The following TP53I13 variants were observed in gnomAD, a reference collection of about 807,000 sequenced individuals.
TP53I13 encodes tumor protein p53 inducible protein 13.
TP53I13 carries 27 observed loss-of-function variants against 39.1 expected under a neutral mutation model. That is an observed-to-expected ratio of 0.69 (90% CI 0.51 to 0.95). The LOEUF is 0.95. TP53I13 is among the 40% of genes least tolerant of loss of function. The pLI is 0.00. For missense variants in TP53I13, 544 were observed against 520.4 expected (o/e 1.05, Z -0.44); for synonymous variants, 230 against 224.6 (o/e 1.02, Z -0.22).
At position 29,569,104 on chromosome 17, in the gene TP53I13, C is replaced by T. The variant is rs1371406820; in HGVS notation, c.141+18C>T. Reference sequence around the variant, plus strand: ...CTCCGCAGGTAGGAGCCCTGGAGGGCCCAGGGAGAGAGGGATGTGAAAGGC... The same window carrying T: ...CTCCGCAGGTAGGAGCCCTGGAGGGTCCAGGGAGAGAGGGATGTGAAAGGC... On this transcript the variant is annotated intron_variant, in intron 2 of 6. Transcript: ENST00000301057. 1 of 1,578,554 alleles carries T rather than the reference C, an allele frequency of 6.3e-7. No individual in the cohort carries two copies. Among genetic ancestry groups the T allele is most frequent in the Non-Finnish European group, 8.6e-7 (1 of 1,161,678 alleles).
At chr17:29,579,371 T>G in the TP53I13 span, 1 of 284,774 alleles carries the variant, frequency 3.5e-6, no homozygotes. Context: ...ATTTTTTGGA[T>G]ACACCTGGCT....
chr17:29,580,247 G>C, the TP53I13 span, among the ~76,000 whole-genome samples: 1 of 152,230 alleles, frequency 6.6e-6, no homozygotes, highest in South Asian at 2.1e-4. Context: ...GTTGAATGGA[G>C]CCCATATTTG....
chr17:29,577,013 G>A (rs1386076540), downstream of TP53I13: 1 of 1,604,242 alleles, frequency 6.2e-7, no homozygotes, highest in Non-Finnish European at 8.5e-7. Context: ...ACACAGGAGT[G>A]TCACTCAGGC....
chr17:29,577,637 C>T (rs1333595060), downstream of TP53I13: 2 of 1,575,722 alleles, frequency 1.3e-6, no homozygotes, highest in East Asian at 2.2e-5. Context: ...CCAATCCAGC[C>T]CCCTCACCTG....
upstream of TP53I13, chr17:29,567,019 C>T (rs554168687): frequency 4.4e-4 from 543 of 1,244,468 alleles, no homozygotes; most frequent in Non-Finnish European, 5.2e-4. The surrounding 1 kb of genome is among the most constrained non-coding windows in gnomAD (Gnocchi z 6.6). Flanking sequence ...GTCTACTCGG[C>T]GAGCTCCGCG....
At chr17:29,566,744 T>G (rs372209110), upstream of TP53I13, 125 of 1,555,258 alleles carry the variant, frequency 8.0e-5, 2 homozygotes, top group East Asian at 5.9e-4. Context: ...GCCGACGGCT[T>G]GCAAACAAGG....
the TP53I13 span, chr17:29,579,307 C>T: frequency 2.3e-4 from 98 of 428,008 alleles, 1 homozygote; most frequent in African/African-American, 1.8e-3. Flanking sequence ...GTTTCTTAAT[C>T]TCCCTCCTTC....
Position 29,568,948 on chromosome 17 carries a change from TG to T in TP53I13, c.73-67del, listed in dbSNP as rs1047113506. On this transcript the variant is annotated intron_variant, in intron 1 of 6. Transcript: ENST00000301057. The surrounding 1 kb of genome is among the most constrained non-coding windows in gnomAD (Gnocchi z 4.5). ...ACGCGGAGTTCTTCCGCTGGCGGGC[TG>T]GGCCTGGGGAGAGAGAGGGCAGGGC... The T allele has an allele frequency of 5.6e-6, 9 of 1,593,580 alleles. No homozygotes were observed. Among genetic ancestry groups the T allele is most frequent in the Non-Finnish European group, 7.7e-6 (9 of 1,171,870 alleles).
downstream of TP53I13, chr17:29,574,506 G>T (rs745922170): frequency 4.7e-6 from 3 of 639,686 alleles, no homozygotes; most frequent in Non-Finnish European, 8.4e-6. Context: ...GGGGACAGAA[G>T]CTCCTGCCCC....
At chr17:29,568,678 C>CGGGGGCGG, upstream of TP53I13, 2 of 945,736 alleles carry the variant, frequency 2.1e-6, no homozygotes, top group Non-Finnish European at 2.5e-6. This position sits in a 1 kb window ranked among gnomAD's most constrained non-coding sequence, Gnocchi z 4.5. Flanking sequence ...CGCGGGGGCG[C>CGGGGGCGG]TGGGGCTGGA....
At chr17:29,569,444 A>G (rs2032843249) in intron 3 of TP53I13, 85 bp downstream of exon 3, 2 of 1,361,016 alleles carry the variant, frequency 1.5e-6, no homozygotes, top group Admixed American at 3.9e-5. Flanking sequence ...TGTTCTGCTG[A>G]TCGGCCCCAT....
At chr17:29,576,201 A>C, downstream of TP53I13, 1 of 1,606,336 alleles carries the variant, frequency 6.2e-7, no homozygotes. Context: ...CCACACCTTG[A>C]GACCCATAGG....
the TP53I13 span, chr17:29,581,224 TGGGGG>T: frequency 1.3e-6 from 1 of 784,314 alleles, no homozygotes; most frequent in Non-Finnish European, 2.3e-6. The surrounding 1 kb of genome is among the most constrained non-coding windows in gnomAD (Gnocchi z 4.8). Flanking sequence ...CTCTAGTCTC[TGGGGG>T]GAGGGAGCAG....
chr17:29,572,848 G>C lies in TP53I13; in HGVS notation c.1106G>C (p.Arg369Pro). ...CGGAGGCTGCTGCAGCCCTCGCGCCGGGTCAAGCGCTCGCGCCGGAGACCC... is the reference window on the plus strand; with the variant it reads ...CGGAGGCTGCTGCAGCCCTCGCGCCCGGTCAAGCGCTCGCGCCGGAGACCC... ...LKRRLLQPSRRVKRSRRRPLL... is the reference protein window; with the variant it reads ...LKRRLLQPSRPVKRSRRRPLL... The change falls in exon 7 of 7, where the codon CGG becomes CCG. Residue 369 changes from arginine (R) to proline (P), a missense_variant. Physicochemically the swap from Arg to Pro is moderately radical, Grantham distance 103 (BLOSUM62 -2). Transcript: ENST00000301057. 2 of 1,512,472 alleles carry C rather than the reference G, an allele frequency of 1.3e-6. No homozygotes were observed. Among genetic ancestry groups the C allele is most frequent in the East Asian group, 5.2e-5 (2 of 38,396 alleles). 93.7% of individuals were successfully genotyped at this position (1,512,472 alleles called of 1,614,324 possible). A position where few individuals can be genotyped will look rare whatever the true frequency, so the allele number is the denominator to read the frequency against.
intron 6 of TP53I13, 32 bp from the exon 7 acceptor site, chr17:29,572,780 C>T (rs1249475670): frequency 1.3e-6 from 2 of 1,526,964 alleles, no homozygotes; most frequent in Admixed American, 4.0e-5. Flanking sequence ...CCCTGCCCTC[C>T]CGCCCTTGAC....
At chr17:29,573,801 C>G (rs2033075507), downstream of TP53I13, 1 of 152,674 alleles carries the variant, frequency 6.5e-6, no homozygotes, top group Non-Finnish European at 1.5e-5. Context: ...TCCACCCTAG[C>G]CAGCACACAT....
chr17:29,568,837 T>G lies in TP53I13; in HGVS notation c.72+7T>G, dbSNP rs201964099. On this transcript the variant is annotated splice_region_variant and intron_variant, in intron 1 of 6. Coordinates refer to ENST00000301057, the MANE Select transcript of TP53I13 (RefSeq NM_138349.4). This position sits in a 1 kb window ranked among gnomAD's most constrained non-coding sequence, Gnocchi z 4.5. ...GCTCCTGGGTCCCAGCGAGGTAAGGTGACCCGCTCCTGGGAAGGCCTCGGC... is the reference window on the plus strand; with the variant it reads ...GCTCCTGGGTCCCAGCGAGGTAAGGGGACCCGCTCCTGGGAAGGCCTCGGC... 139 of 1,599,730 alleles carry G rather than the reference T, an allele frequency of 8.7e-5. No individual in the cohort carries two copies. The highest frequency in any genetic ancestry group is 1.1e-4 in the Non-Finnish European group (132 of 1,179,484).
At chr17:29,567,071 C>CCCT, upstream of TP53I13, 1 of 1,017,910 alleles carries the variant, frequency 9.8e-7, no homozygotes, top group Non-Finnish European at 1.2e-6. The surrounding 1 kb of genome is among the most constrained non-coding windows in gnomAD (Gnocchi z 6.6). Flanking sequence ...CTGCCCAGGG[C>CCCT]CCTCCCGCGC....
chr17:29,568,035 C>A (rs995077900), upstream of TP53I13: 1 of 152,120 alleles, frequency 6.6e-6, no homozygotes, highest in Non-Finnish European at 1.5e-5. This position sits in a 1 kb window ranked among gnomAD's most constrained non-coding sequence, Gnocchi z 4.5. Context: ...TAGACGCGCG[C>A]CTGCCACCGC....
Sources: gnomAD v4.1 joint callset for allele counts (sites outside exome capture counted in the v4.1 genomes callset) on GRCh38, gnomAD v4.1.1 for gene constraint, Gnocchi (gnomAD v3.1) non-coding constraint, MANE v1.5 for transcripts, NCBI Gene and HGNC (gene_info 2026-07-23, HGNC 2026-07-21) for gene names.